SPAG1: variants seen among roughly 807,000 people sequenced by gnomAD.
SPAG1 encodes sperm associated antigen 1.
A neutral mutation model predicts 100.5 loss-of-function variants in SPAG1; 69 were observed. The ratio of observed to expected loss-of-function variants is 0.69; its 90% confidence interval spans 0.57 to 0.84. The LOEUF is 0.84. Ranked by LOEUF, SPAG1 falls within the 40% of genes least tolerant of loss-of-function variation. SPAG1 has a pLI of 0.00. For missense variants in SPAG1, 955 were observed against 1,133.1 expected, an observed-to-expected ratio of 0.84 and a Z score of 2.26; for synonymous variants, 336 against 411.6, an observed-to-expected ratio of 0.82 and a Z score of 2.22.
intron 2 of SPAG1, chr8:100,165,282 C>T: frequency 5.7e-6 from 3 of 522,696 alleles, no homozygotes; most frequent in Non-Finnish European, 7.8e-6. Context: ...TTTAGAAAAA[C>T]ATTTCCAGCA....
Position 100,180,005 on chromosome 8 carries a change from GC to G in SPAG1, c.426+2065del, listed in dbSNP as rs569561164. On this transcript the variant is annotated intron_variant, in intron 4 of 18. Coordinates refer to ENST00000388798, the MANE Select transcript of SPAG1 (RefSeq NM_003114.5). ...AGAAAAACAACTCACAGTATTTGTT[GC>G]TAGTAAGAAAATCTGACCTTTCAAG... Among the ~76,000 whole-genome samples, 18 of 152,308 alleles carry G rather than the reference GC, an allele frequency of 1.2e-4. 1 individual carries two copies. The South Asian group carries it at 3.7e-3, about 32-fold the overall frequency.
chr8:100,162,491 T>C (rs1586379498), intron 2 of SPAG1, 71 bp downstream of exon 2: 4 of 1,226,208 alleles, frequency 3.3e-6, no homozygotes, highest in African/African-American at 1.5e-5. Flanking sequence ...CTTCTAAAGG[T>C]AAAAGCTACA....
Position 100,211,722 on chromosome 8 carries a change from G to A in SPAG1, c.1097-1368G>A, listed in dbSNP as rs141914791. 2.1e-3 allele frequency among the ~76,000 whole-genome samples: 327 copies of A among 152,310 alleles called. 1 individual carries two copies. Among genetic ancestry groups the A allele is most frequent in the Non-Finnish European group, 3.3e-3 (226 of 68,018 alleles). ...GAGTTATGCTGGCTTCTAGCTCTGT[G>A]TACTAGAGCGCATTCCTTAGCTTCT... On this transcript the variant is annotated intron_variant, in intron 10 of 18. Coordinates refer to ENST00000388798, the MANE Select transcript of SPAG1 (RefSeq NM_003114.5).
chr8:100,206,406 G>A (rs917659045), intron 10 of SPAG1, among the ~76,000 whole-genome samples: 13 of 152,230 alleles, frequency 8.5e-5, no homozygotes, highest in East Asian at 5.8e-4. Context: ...AGTCTTATTC[G>A]GAAAGACCTT....
At chr8:100,215,970 G>A (rs368275620) in intron 12 of SPAG1, among the ~76,000 whole-genome samples, 1 of 152,292 alleles carries the variant, frequency 6.6e-6, no homozygotes, top group African/African-American at 2.4e-5. Context: ...ACATCAGACC[G>A]CATCCTCAGT....
chr8:100,174,176 T>C (rs1457909228), intron 3 of SPAG1, among the ~76,000 whole-genome samples: 1 of 152,216 alleles, frequency 6.6e-6, no homozygotes, highest in South Asian at 2.1e-4. Context: ...TAGTCTATCG[T>C]TGACTGAAAG....
intron 10 of SPAG1, 74 bp downstream of exon 10, chr8:100,194,342 T>G (rs1031279288): frequency 4.8e-5 from 74 of 1,553,776 alleles, no homozygotes; most frequent in Non-Finnish European, 6.1e-5. Context: ...ATTTTTCTAT[T>G]CGTACAGAAA....
At chr8:100,200,226 T>C (rs1471033745) in intron 10 of SPAG1, among the ~76,000 whole-genome samples, 2 of 152,224 alleles carry the variant, frequency 1.3e-5, no homozygotes, top group Non-Finnish European at 2.9e-5. Context: ...GATAGTTTGC[T>C]GAGAATGATG....
At chr8:100,216,144 CAG>C (rs1402250634) in intron 12 of SPAG1, among the ~76,000 whole-genome samples, 1 of 152,088 alleles carries the variant, frequency 6.6e-6, no homozygotes, top group Non-Finnish European at 1.5e-5. Flanking sequence ...TTTCTTTACC[CAG>C]AGAGCCAGTT....
chr8:100,228,450 C>T (rs941960283), intron 14 of SPAG1, among the ~76,000 whole-genome samples: 13 of 151,258 alleles, frequency 8.6e-5, no homozygotes, highest in Non-Finnish European at 1.2e-4. Context: ...CGGTGGCTCA[C>T]ACCTGTAATC....
chr8:100,177,993 T>A (rs1816204540), intron 4 of SPAG1, 52 bp downstream of exon 4: 3 of 1,511,574 alleles, frequency 2.0e-6, no homozygotes, highest in Non-Finnish European at 9.1e-7. Flanking sequence ...ATTGCTGCTG[T>A]TTATTAAGGG....
chr8:100,183,397 C>A lies in SPAG1; in HGVS notation c.449C>A (p.Thr150Asn). 1 of 1,457,488 alleles carries A rather than the reference C, an allele frequency of 6.9e-7. No individual in the cohort carries two copies. Among genetic ancestry groups the A allele is most frequent in the Non-Finnish European group, 9.5e-7 (1 of 1,048,746 alleles). 90.3% of individuals were successfully genotyped at this position (1,457,488 alleles called of 1,614,324 possible). The change falls in exon 5 of 19, where the codon ACT becomes AAT. Residue 150 changes from threonine (T) to asparagine (N), a missense_variant. Transcript: ENST00000388798. ...VGKEKYSKRP[T>N]KKKTPRDYAE... ...TAGGAAAAATATTCTAAAAGACCAA[C>A]TAAAAAGAAAACTCCAAGGGATTAC...
chr8:100,158,749 G>A (rs1354902626), intron 1 of SPAG1, 133 bp downstream of exon 1: 1 of 152,176 alleles, frequency 6.6e-6, no homozygotes, highest in Non-Finnish European at 1.5e-5. Context: ...GAGTTCTAAA[G>A]TATTGTATAA....
chr8:100,202,709 CAAAAAAAAAAAAAAAAAAA>C (rs750153561), intron 10 of SPAG1, among the ~76,000 whole-genome samples: 1 of 27,452 alleles, frequency 3.6e-5, no homozygotes, highest in Non-Finnish European at 6.2e-5. Context: ...GACTCCGTCT[CAAAAAAAAAAAAAAAAAAA>C]AAAAAAAAAA....
At chr8:100,235,715 C>A (rs1479408861) in intron 16 of SPAG1, among the ~76,000 whole-genome samples, 1 of 152,088 alleles carries the variant, frequency 6.6e-6, no homozygotes, top group Admixed American at 6.5e-5. Flanking sequence ...GATTGTAGAT[C>A]CACTCTGGCT....
At chr8:100,210,670 C>T (rs1471661925) in intron 10 of SPAG1, among the ~76,000 whole-genome samples, 1 of 152,030 alleles carries the variant, frequency 6.6e-6, no homozygotes, top group East Asian at 1.9e-4. Flanking sequence ...TGAGTGATCC[C>T]ATCCACATCC....
At chr8:100,233,361 A>G in intron 15 of SPAG1, 50 bp from the exon 16 acceptor site, 1 of 1,604,728 alleles carries the variant, frequency 6.2e-7, no homozygotes, top group African/African-American at 1.3e-5. Flanking sequence ...AAACTTACAG[A>G]TAGCCAATCT....
chr8:100,174,199 C>T (rs2132228518), intron 3 of SPAG1, among the ~76,000 whole-genome samples: 1 of 152,248 alleles, frequency 6.6e-6, no homozygotes, highest in South Asian at 2.1e-4. Flanking sequence ...TTACCAATAA[C>T]ATGAACAGTT....
At chr8:100,231,074 A>G in intron 14 of SPAG1, 82 bp from the exon 15 acceptor site, 3 of 1,259,680 alleles carry the variant, frequency 2.4e-6, no homozygotes, top group Non-Finnish European at 3.2e-6. Flanking sequence ...TTTGCAATAG[A>G]AGATTTACTT....
Sources: allele counts gnomAD v4.1 joint callset (sites outside exome capture counted in the v4.1 genomes callset), GRCh38; gene constraint gnomAD v4.1.1; transcripts MANE v1.5; gene names NCBI Gene and HGNC (gene_info 2026-07-23, HGNC 2026-07-21).